The following CPEB3 variants were observed in gnomAD, a reference collection of about 807,000 sequenced individuals.
CPEB3 encodes cytoplasmic polyadenylation element binding protein 3.
Under a neutral mutation model 67.2 loss-of-function variants are expected in CPEB3, and 20 were observed. The ratio of observed to expected loss-of-function variants is 0.30; its 90% CI spans 0.21 to 0.43. The LOEUF (loss-of-function observed/expected upper bound fraction) is 0.43, where lower values mean the gene tolerates loss of function less well. Ranked by LOEUF, CPEB3 falls within the 20% of genes least tolerant of loss-of-function variation. The pLI is 1.00. For missense variants in CPEB3, 746 were observed against 968.6 expected (o/e 0.77, Z 3.05); for synonymous variants, 376 against 393.1 (o/e 0.96, Z 0.51).
chr10:92,086,829 A>G (rs1329109479), intron 8 of CPEB3, among the ~76,000 whole-genome samples: 2 of 152,218 alleles, frequency 1.3e-5, no homozygotes, highest in Non-Finnish European at 2.9e-5. Context: ...AAAGTTTGAC[A>G]TCAGCTTTGG....
rs747910462 is a variant in CPEB3 at position 92,052,294 on chromosome 10, G to A, written c.2015C>T (p.Ser672Phe). Residue 672 changes from serine to phenylalanine, a missense_variant, in exon 10 of 10, where the codon TCC becomes TTC. Ser to Phe is a radical substitution (Grantham distance 155). This residue lies in a region of CPEB3 where 103 missense variants were observed against 251.1 expected (regional missense o/e 0.41). Transcript: ENST00000265997. ...YCEYCWASIH[S>F]RAGREFHKPL... is the part of the protein sequence containing the mutation. Reference sequence around the variant, plus strand: ...TTTGTGGAACTCCCGCCCGGCTCGGGAATGTATGCTCGCCCAGCAGTATTC... The same window carrying A: ...TTTGTGGAACTCCCGCCCGGCTCGGAAATGTATGCTCGCCCAGCAGTATTC... 1 of 1,614,178 alleles carries A rather than the reference G, an allele frequency of 6.2e-7. No individual in the cohort carries two copies. The highest frequency in any genetic ancestry group is 1.1e-5 in the South Asian group (1 of 91,082).
intron 4 of CPEB3, among the ~76,000 whole-genome samples, chr10:92,179,460 G>T (rs1848370037): frequency 1.3e-5 from 2 of 152,058 alleles, no homozygotes; most frequent in Admixed American, 1.3e-4. Flanking sequence ...CTACCATACT[G>T]TTCTTTTCTT....
chr10:92,129,134 T>TATATACCATGG (rs1845727321), intron 6 of CPEB3, among the ~76,000 whole-genome samples: 1 of 152,200 alleles, frequency 6.6e-6, no homozygotes, highest in Admixed American at 6.5e-5. Context: ...ACGTGGTACA[T>TATATACCATGG]ATATACCATG....
chr10:92,196,629 ATGGTGACACGCGCC>A (rs990848089), intron 2 of CPEB3, among the ~76,000 whole-genome samples: 19 of 152,050 alleles, frequency 1.2e-4, no homozygotes, highest in African/African-American at 4.3e-4. Flanking sequence ...TCAGCCAGGC[ATGGTGACACGCGCC>A]TGTAGTCCCA....
intron 2 of CPEB3, among the ~76,000 whole-genome samples, chr10:92,228,195 G>T (rs1023631810): frequency 4.6e-5 from 7 of 152,048 alleles, no homozygotes; most frequent in African/African-American, 1.7e-4. Flanking sequence ...GCCTATAATT[G>T]CTTTAAATAA....
At chr10:92,066,805 GA>G (rs2134357457) in intron 9 of CPEB3, among the ~76,000 whole-genome samples, 1 of 152,240 alleles carries the variant, frequency 6.6e-6, no homozygotes. Flanking sequence ...AGCACTTTGG[GA>G]GGCCGAAGCG....
intron 9 of CPEB3, among the ~76,000 whole-genome samples, chr10:92,058,486 T>C (rs1326958871): frequency 6.6e-6 from 1 of 151,754 alleles, no homozygotes; most frequent in Non-Finnish European, 1.5e-5. Context: ...GAGGTGGAGG[T>C]TGCAGTGAGC....
At chr10:92,117,763 A>G (rs1845116377) in intron 6 of CPEB3, among the ~76,000 whole-genome samples, 1 of 151,782 alleles carries the variant, frequency 6.6e-6, no homozygotes, top group South Asian at 2.1e-4. Flanking sequence ...TTAATATTTG[A>G]TACCTAGTAC....
At chr10:92,238,068 C>T (rs985943333) in intron 2 of CPEB3, among the ~76,000 whole-genome samples, 2 of 152,184 alleles carry the variant, frequency 1.3e-5, no homozygotes, top group African/African-American at 4.8e-5. Context: ...GCATCTGCAC[C>T]TGACACTATA....
intron 4 of CPEB3, among the ~76,000 whole-genome samples, chr10:92,159,906 C>A (rs1407002927): frequency 6.6e-6 from 1 of 151,834 alleles, no homozygotes; most frequent in Non-Finnish European, 1.5e-5. Context: ...ATTTTTTTCC[C>A]TGATTCCTCC....
intron 7 of CPEB3, among the ~76,000 whole-genome samples, chr10:92,110,429 C>T (rs958407819): frequency 5.9e-5 from 9 of 152,194 alleles, no homozygotes; most frequent in Non-Finnish European, 1.0e-4. Flanking sequence ...TGATCTTGCC[C>T]CTTCTCCACT....
chr10:92,068,360 TGAG>T (rs1263082608), intron 9 of CPEB3, among the ~76,000 whole-genome samples: 1 of 152,108 alleles, frequency 6.6e-6, no homozygotes. Flanking sequence ...AAATGTGAAA[TGAG>T]TAACTATCAT....
chr10:92,273,890 T>C (rs1841856422), intron 1 of CPEB3, among the ~76,000 whole-genome samples: 1 of 152,198 alleles, frequency 6.6e-6, no homozygotes, highest in African/African-American at 2.4e-5. Flanking sequence ...CAAACCATCT[T>C]CTACTAGGAC....
At chr10:92,290,668 G>C (rs897860710) in intron 1 of CPEB3, among the ~76,000 whole-genome samples, 17 of 152,090 alleles carry the variant, frequency 1.1e-4, no homozygotes, top group African/African-American at 4.1e-4. Context: ...AGAACCTCAC[G>C]CACCAAACCA....
At chr10:92,229,076 T>C (rs183927080) in intron 2 of CPEB3, among the ~76,000 whole-genome samples, 1 of 151,898 alleles carries the variant, frequency 6.6e-6, no homozygotes, top group South Asian at 2.1e-4. Flanking sequence ...TAGGCTGGAA[T>C]GCAGTGGCAC....
intron 4 of CPEB3, among the ~76,000 whole-genome samples, chr10:92,179,426 C>T (rs558496350): frequency 1.8e-4 from 28 of 152,302 alleles, no homozygotes; most frequent in African/African-American, 6.7e-4. Flanking sequence ...CTGAGATACA[C>T]ACTCATTCCT....
chr10:92,211,325 T>G (rs1850072000), intron 2 of CPEB3, among the ~76,000 whole-genome samples: 1 of 152,168 alleles, frequency 6.6e-6, no homozygotes, highest in African/African-American at 2.4e-5. Context: ...TCTTTGTAAA[T>G]TATAGATTAT....
intron 6 of CPEB3, 88 bp downstream of exon 6, chr10:92,142,941 T>G (rs905251913): frequency 1.1e-5 from 9 of 831,098 alleles, no homozygotes; most frequent in Middle Eastern, 2.3e-4. Context: ...ATTCAACAGC[T>G]ATTTCAAGAG....
intron 4 of CPEB3, among the ~76,000 whole-genome samples, chr10:92,151,920 C>T (rs977342647): frequency 1.3e-5 from 2 of 152,226 alleles, no homozygotes; most frequent in Non-Finnish European, 2.9e-5. Flanking sequence ...TCATGCCTGA[C>T]ATCACCTCCT....
Sources: allele counts gnomAD v4.1 joint callset (sites outside exome capture counted in the v4.1 genomes callset), GRCh38; gene constraint gnomAD v4.1.1; regional missense constraint gnomAD v4.1.1; transcripts MANE v1.5; gene names NCBI Gene and HGNC (gene_info 2026-07-23, HGNC 2026-07-21).